Variants in KIAA0586 observed in about 807,000 individuals in gnomAD.
KIAA0586 encodes the protein KIAA0586, also known as protein TALPID3.
A neutral mutation model predicts 169.8 loss-of-function variants in KIAA0586; 144 were observed. That is an observed-to-expected ratio of 0.85 (90% CI 0.74 to 0.97). KIAA0586 has a LOEUF of 0.97. Ranked by LOEUF, KIAA0586 falls within the 50% of genes least tolerant of loss-of-function variation. The pLI, the probability that KIAA0586 is intolerant of heterozygous loss-of-function variation, is 0.00. For missense variants in KIAA0586, 1,854 were observed against 1,823.0 expected (o/e 1.02, Z -0.31); for synonymous variants, 625 against 612.4 (o/e 1.02, Z -0.30).
chr14:58,492,174 A>AT lies in KIAA0586; in HGVS notation c.3891dup (p.Arg1298Ter). 6.5e-7 allele frequency: 1 copy of AT among 1,548,958 alleles called. No homozygotes were observed. The highest frequency in any genetic ancestry group is 1.4e-5 in the African/African-American group (1 of 73,054). On this transcript the variant is annotated frameshift_variant, in exon 26 of 31. Coordinates refer to ENST00000652326, the MANE Select transcript of KIAA0586 (RefSeq NM_001329943.3). LOFTEE classifies it high-confidence loss of function. ...TGATCCTCCTAGTGAAGGGCAAGTG[A>AT]TTAGGATGTCCCATAAAAAATTTCA...
intron 29 of KIAA0586, among the ~76,000 whole-genome samples, chr14:58,518,020 T>A (rs933292410): frequency 6.6e-6 from 1 of 152,194 alleles, no homozygotes; most frequent in Non-Finnish European, 1.5e-5. Flanking sequence ...TCCATTTTGA[T>A]GGAAATATTA....
At position 58,526,250 on chromosome 14, in the gene KIAA0586, T is replaced by C. The variant is rs573192528; in HGVS notation, c.4429+13623T>C. On this transcript the variant is annotated intron_variant, in intron 29 of 30. Transcript: ENST00000652326. Reference sequence around the variant, plus strand: ...TCCTCAAGGGGGTCGCTGACCCCCATGCCTCCTGACTGGGAGACACCTCCT... The same window carrying C: ...TCCTCAAGGGGGTCGCTGACCCCCACGCCTCCTGACTGGGAGACACCTCCT... Among the ~76,000 whole-genome samples the C allele has an allele frequency of 7.9e-5, 12 of 152,248 alleles. No individual in the cohort carries two copies. In the South Asian group the frequency reaches 1.2e-3, roughly 16 times the overall value.
At chr14:58,537,738 C>T (rs2046386397) in intron 29 of KIAA0586, among the ~76,000 whole-genome samples, 1 of 152,036 alleles carries the variant, frequency 6.6e-6, no homozygotes, top group Admixed American at 6.6e-5. Flanking sequence ...AGATCAGCCT[C>T]CCAGGTTCAC....
Position 58,537,151 on chromosome 14 carries a change from A to G in KIAA0586, c.4430-2920A>G, listed in dbSNP as rs1455243715. 3.7e-6 allele frequency: 4 copies of G among 1,081,484 alleles called. No individual in the cohort carries two copies. In the Admixed American group the frequency reaches 1.5e-4, roughly 40 times the overall value. 67.0% of individuals were successfully genotyped at this position (1,081,484 alleles called of 1,614,324 possible). ...ACTCACCCTTCCAGTAAACCTCGTA[A>G]ATCAACAAGTGAGAATTATGAAGCC... is the stretch of plus-strand genomic sequence containing the variant. On this transcript the variant is annotated intron_variant, in intron 29 of 30. Transcript: ENST00000652326.
intron 4 of KIAA0586, among the ~76,000 whole-genome samples, chr14:58,438,182 C>T (rs1353586555): frequency 6.6e-6 from 1 of 152,042 alleles, no homozygotes; most frequent in African/African-American, 2.4e-5. Context: ...GAAATAATTG[C>T]TTCTTAATGG....
chr14:58,499,776 C>G (rs2043426802), intron 27 of KIAA0586, among the ~76,000 whole-genome samples: 1 of 151,954 alleles, frequency 6.6e-6, no homozygotes, highest in Admixed American at 6.6e-5. Flanking sequence ...CCAGGCTGGT[C>G]TCGAACTCCT....
chr14:58,522,124 T>A, intron 29 of KIAA0586: 1 of 585,058 alleles, frequency 1.7e-6, no homozygotes, highest in Non-Finnish European at 3.1e-6. Flanking sequence ...TCCTTGTCCT[T>A]CCCATGTTCA....
intron 27 of KIAA0586, among the ~76,000 whole-genome samples, chr14:58,507,501 A>C (rs898440724): frequency 6.6e-6 from 1 of 151,522 alleles, no homozygotes; most frequent in East Asian, 1.9e-4. Context: ...TGTGAAACAG[A>C]GAGCAGTGAC....
intron 4 of KIAA0586, chr14:58,439,821 G>C: frequency 1.0e-6 from 1 of 984,462 alleles, no homozygotes; most frequent in African/African-American, 1.7e-5. Flanking sequence ...AAGTCGACGG[G>C]GAAGTCCAGC....
rs2042873776 is a variant in KIAA0586, at chr14:58,492,137, CT to C, written c.3859-3del. 6.6e-7 allele frequency: 1 copy of C among 1,508,744 alleles called. No individual in the cohort carries two copies. 93.5% of individuals were successfully genotyped at this position (1,508,744 alleles called of 1,614,324 possible). On this transcript the variant is annotated splice_region_variant and splice_polypyrimidine_tract_variant and intron_variant, in intron 25 of 30. Coordinates refer to ENST00000652326, the MANE Select transcript of KIAA0586 (RefSeq NM_001329943.3). ...ATTTTTATTAATTGTCTTTATGTTTCTTTTAGGAGGATGATCCTCCTAGTGA... is the reference window on the plus strand; with the variant it reads ...ATTTTTATTAATTGTCTTTATGTTTCTTTAGGAGGATGATCCTCCTAGTGA...
chr14:58,550,393 C>T lies in KIAA0586; in HGVS notation c.*2461C>T, dbSNP rs369134178. 6.6e-6 allele frequency: 1 copy of T among 152,106 alleles called. No individual in the cohort carries two copies. The highest frequency in any genetic ancestry group is 1.5e-5 in the Non-Finnish European group (1 of 68,028). 9.4% of individuals were successfully genotyped at this position (152,106 alleles called of 1,614,324 possible). ...CACTTCAGATTCTTTTGGAATAAGACGATGTACGTAAAAACAAACTAAATG... is the reference window on the plus strand; with the variant it reads ...CACTTCAGATTCTTTTGGAATAAGATGATGTACGTAAAAACAAACTAAATG... On this transcript the variant is annotated 3_prime_UTR_variant, in exon 31 of 31. Coordinates refer to ENST00000652326, the MANE Select transcript of KIAA0586 (RefSeq NM_001329943.3).
At chr14:58,543,202 T>G (rs1457517472) in intron 30 of KIAA0586, among the ~76,000 whole-genome samples, 3 of 151,550 alleles carry the variant, frequency 2.0e-5, no homozygotes, top group Admixed American at 2.0e-4. Flanking sequence ...TTGAGAAAAC[T>G]GGGGTTCAGA....
At chr14:58,445,972 G>A (rs2038864239) in intron 6 of KIAA0586, among the ~76,000 whole-genome samples, 2 of 151,258 alleles carry the variant, frequency 1.3e-5, no homozygotes, top group Admixed American at 1.3e-4. Flanking sequence ...ATGTTCAAGC[G>A]ATTCTCCTGC....
intron 20 of KIAA0586, among the ~76,000 whole-genome samples, chr14:58,477,721 T>C (rs955585776): frequency 2.0e-5 from 3 of 152,086 alleles, no homozygotes; most frequent in Non-Finnish European, 4.4e-5. Context: ...TTTTCTTCCT[T>C]TCTTTATGGT....
chr14:58,443,505 C>T (rs573536457), intron 5 of KIAA0586, among the ~76,000 whole-genome samples: 38 of 152,318 alleles, frequency 2.5e-4, no homozygotes, highest in Admixed American at 1.7e-3. Context: ...TCACTGCAAC[C>T]TCCGCCTCCT....
chr14:58,486,360 G>T (rs552982160), intron 21 of KIAA0586, among the ~76,000 whole-genome samples: 4 of 152,188 alleles, frequency 2.6e-5, no homozygotes, highest in Non-Finnish European at 4.4e-5. Context: ...CCATTGATGG[G>T]CACCTAGGTT....
chr14:58,428,273 C>T lies in KIAA0586; in HGVS notation c.9C>T (p.Gly3=). The change falls in exon 1 of 31, where the codon GGC becomes GGT. Residue 3 remains glycine, a synonymous_variant. Coordinates refer to ENST00000652326, the MANE Select transcript of KIAA0586 (RefSeq NM_001329943.3). The part of the protein sequence containing the change: MK[G]SEVSLEKKKK... The stretch of plus-strand genomic sequence containing the variant: ...GTTTTGTGACCAACAATATGAAAGG[C>T]TCTGAGGTCAGCTTGGAGAAGAAAA... 6.2e-7 allele frequency: 1 copy of T among 1,613,396 alleles called. No individual in the cohort carries two copies. The highest frequency in any genetic ancestry group is 8.5e-7 in the Non-Finnish European group (1 of 1,179,644).
the KIAA0586 span, among the ~76,000 whole-genome samples, chr14:58,557,099 T>G: frequency 6.6e-6 from 1 of 152,242 alleles, no homozygotes; most frequent in Non-Finnish European, 1.5e-5. Flanking sequence ...ATACCACAAT[T>G]CATTAATTAA....
At chr14:58,558,720 G>A in the KIAA0586 span, among the ~76,000 whole-genome samples, 1 of 152,334 alleles carries the variant, frequency 6.6e-6, no homozygotes, top group East Asian at 1.9e-4. Context: ...GAAACACTGG[G>A]AATCTAAGAA....
Sources: gnomAD v4.1 joint callset for allele counts (sites outside exome capture counted in the v4.1 genomes callset) on GRCh38, gnomAD v4.1.1 for gene constraint, MANE v1.5 for transcripts, NCBI Gene and HGNC (gene_info 2026-07-23, HGNC 2026-07-21) for gene names.